The following VAV2 variants were observed in gnomAD, a reference collection of about 807,000 sequenced individuals.
VAV2 encodes the protein guanine nucleotide exchange factor VAV2.
A neutral mutation model predicts 132.5 loss-of-function variants in VAV2; 67 were observed. The observed-to-expected ratio is 0.51, with a 90% CI of 0.42 to 0.62. The LOEUF (loss-of-function observed/expected upper bound fraction) is 0.62, where lower values mean the gene tolerates loss of function less well. VAV2 is among the 20% of genes least tolerant of loss of function. The pLI is 0.00. For synonymous variants in VAV2, 492 were observed against 443.5 expected (o/e 1.11, Z -1.37); for missense variants, 938 against 1,153.6 (o/e 0.81, Z 2.71).
intron 2 of VAV2, among the ~76,000 whole-genome samples, chr9:133,905,422 T>G (rs1487952008): frequency 1.0e-5 from 1 of 96,708 alleles, no homozygotes; most frequent in African/African-American, 4.3e-5. Flanking sequence ...GGTGACAGAG[T>G]GAAACTGTCT....
intron 9 of VAV2, among the ~76,000 whole-genome samples, chr9:133,798,169 G>A (rs1350831393): frequency 6.6e-6 from 1 of 152,138 alleles, no homozygotes; most frequent in Non-Finnish European, 1.5e-5. Context: ...ATCCCCCCAG[G>A]AAAGAAGACC....
intron 2 of VAV2, among the ~76,000 whole-genome samples, chr9:133,904,358 A>T (rs1377520463): frequency 6.6e-6 from 1 of 152,252 alleles, no homozygotes; most frequent in Admixed American, 6.5e-5. Flanking sequence ...ACCTCAATGC[A>T]TCTAATATAC....
At position 133,788,416 on chromosome 9, in the gene VAV2, T is replaced by A; in HGVS notation, c.1345A>T (p.Ile449Phe). Residue 449 changes from isoleucine to phenylalanine, a missense_variant, in exon 15 of 30, where the codon ATC becomes TTC. Physicochemically the swap from Ile to Phe is conservative, Grantham distance 21. Coordinates refer to ENST00000371850, the MANE Select transcript of VAV2 (RefSeq NM_001134398.2). This position sits in a 1 kb window ranked among gnomAD's most constrained non-coding sequence, Gnocchi z 5.3. Reference protein sequence around the residue: ...RKGYSYELKEIIELLFHKMTD... With the variant: ...RKGYSYELKEFIELLFHKMTD... The stretch of plus-strand genomic sequence containing the variant: ...ATCTTGTGGAACAGCAGCTCGATGA[T>A]CTCCTTGAGCTCGTAGCTGTAGCCC... 12 of 1,612,258 alleles carry A rather than the reference T, an allele frequency of 7.4e-6. No homozygotes were observed. Among genetic ancestry groups the A allele is most frequent in the Non-Finnish European group, 1.0e-5 (12 of 1,178,504 alleles).
At chr9:133,783,731 T>TATCC in intron 18 of VAV2, 140 bp from the exon 19 acceptor site, 1 of 722,094 alleles carries the variant, frequency 1.4e-6, no homozygotes, top group Non-Finnish European at 2.4e-6. Context: ...TAGCCCTGAG[T>TATCC]ATCCAGGACC....
chr9:133,972,157 G>A (rs768722276), intron 1 of VAV2, among the ~76,000 whole-genome samples: 3 of 152,212 alleles, frequency 2.0e-5, no homozygotes, highest in Non-Finnish European at 4.4e-5. Flanking sequence ...GGGCCGCACA[G>A]ATCAGCCAAC....
intron 3 of VAV2, among the ~76,000 whole-genome samples, chr9:133,836,948 C>G (rs753659929): frequency 6.6e-6 from 1 of 152,218 alleles, no homozygotes; most frequent in African/African-American, 2.4e-5. Flanking sequence ...ACTCCTCCAT[C>G]AGTCCTGGGA....
At chr9:133,842,092 G>T (rs559057111) in intron 3 of VAV2, among the ~76,000 whole-genome samples, 1 of 152,224 alleles carries the variant, frequency 6.6e-6, no homozygotes, top group Non-Finnish European at 1.5e-5. Context: ...AGGTACTGAC[G>T]ATTGCAGAAG....
intron 2 of VAV2, among the ~76,000 whole-genome samples, chr9:133,867,043 C>G (rs12353234): frequency 6.6e-6 from 1 of 152,140 alleles, no homozygotes; most frequent in East Asian, 1.9e-4. Flanking sequence ...ACAGAGGTCT[C>G]GTCACAAGGC....
intron 1 of VAV2, among the ~76,000 whole-genome samples, chr9:133,942,549 G>A (rs1841204180): frequency 6.6e-6 from 1 of 152,272 alleles, no homozygotes; most frequent in South Asian, 2.1e-4. Flanking sequence ...GCAGCTTCCA[G>A]CCTGGCGTGA....
At chr9:133,839,350 AT>A (rs1836623614) in intron 3 of VAV2, among the ~76,000 whole-genome samples, 1 of 151,472 alleles carries the variant, frequency 6.6e-6, no homozygotes, top group East Asian at 1.9e-4. Flanking sequence ...GGTGGGTGGG[AT>A]TAGTGGGTGC....
intron 19 of VAV2, among the ~76,000 whole-genome samples, chr9:133,782,510 G>A (rs1030592441): frequency 2.6e-5 from 4 of 152,224 alleles, no homozygotes; most frequent in African/African-American, 7.2e-5. Context: ...CCTCTCCCCA[G>A]GTTAGGGTAC....
At chr9:133,831,331 G>A (rs1836254270) in intron 4 of VAV2, among the ~76,000 whole-genome samples, 1 of 152,178 alleles carries the variant, frequency 6.6e-6, no homozygotes, top group Non-Finnish European at 1.5e-5. Flanking sequence ...AGCTACTGGG[G>A]AGGCTGAGGC....
At chr9:133,979,315 C>T (rs921135555) in intron 1 of VAV2, among the ~76,000 whole-genome samples, 2 of 152,190 alleles carry the variant, frequency 1.3e-5, no homozygotes, top group Non-Finnish European at 2.9e-5. Flanking sequence ...GGGTCTGCCA[C>T]GAGGTGCTGA....
At chr9:133,854,649 G>A (rs1837319069) in intron 3 of VAV2, among the ~76,000 whole-genome samples, 1 of 150,502 alleles carries the variant, frequency 6.6e-6, no homozygotes, top group Admixed American at 6.6e-5. Flanking sequence ...GGCTGGAGGG[G>A]GCCAGACCCC....
chr9:133,911,998 T>C (rs1258085314), intron 2 of VAV2, among the ~76,000 whole-genome samples: 4 of 152,208 alleles, frequency 2.6e-5, no homozygotes, highest in African/African-American at 9.7e-5. Flanking sequence ...TAGGTAAACG[T>C]GTGCCATGCT....
At chr9:133,781,760 C>T (rs557628709) in intron 19 of VAV2, among the ~76,000 whole-genome samples, 6 of 152,290 alleles carry the variant, frequency 3.9e-5, no homozygotes, top group East Asian at 3.9e-4. Context: ...GTGGCAAGGA[C>T]GGCGTCCCCC....
At position 133,812,069 on chromosome 9, in the gene VAV2, C is replaced by T. The variant is rs538531153; in HGVS notation, c.552+45G>A. The T allele has an allele frequency of 1.2e-5, 19 of 1,589,268 alleles. No individual in the cohort carries two copies. In the South Asian group the frequency reaches 1.4e-4, roughly 12 times the overall value. On this transcript the variant is annotated intron_variant, in intron 5 of 29. Transcript: ENST00000371850. ...GTTAAGCAAGGGCCAGGCTGCTCTG[C>T]GAGGGAAGGGAGGGGAAGGGAGGGA...
At chr9:133,880,409 G>A (rs1207564161) in intron 2 of VAV2, among the ~76,000 whole-genome samples, 13 of 152,246 alleles carry the variant, frequency 8.5e-5, no homozygotes, top group South Asian at 2.1e-4. Context: ...GGCCTTAGGG[G>A]CAGCCATGGG....
intron 2 of VAV2, among the ~76,000 whole-genome samples, chr9:133,898,950 T>C (rs1839331388): frequency 1.3e-5 from 2 of 149,414 alleles, no homozygotes; most frequent in African/African-American, 4.9e-5. Context: ...GCCTCCCCAA[T>C]AGCTGGGACT....
Sources: allele counts gnomAD v4.1 joint callset (sites outside exome capture counted in the v4.1 genomes callset), GRCh38; gene constraint gnomAD v4.1.1; non-coding constraint Gnocchi (gnomAD v3.1); transcripts MANE v1.5; gene names NCBI Gene and HGNC (gene_info 2026-07-23, HGNC 2026-07-21).